The following SLFNL1 variants were observed in gnomAD, a reference collection of about 807,000 sequenced individuals.
SLFNL1 encodes the protein schlafen-like protein 1.
Under a neutral mutation model 32.5 loss-of-function variants are expected in SLFNL1, and 26 were observed. The observed-to-expected ratio is 0.80, with a 90% CI of 0.59 to 1.11. SLFNL1 has a LOEUF of 1.11. Ranked by LOEUF, SLFNL1 falls within the 50% of genes least tolerant of loss-of-function variation. The pLI, the probability that SLFNL1 is intolerant of heterozygous loss-of-function variation, is 0.00. For synonymous variants in SLFNL1, 255 were observed against 242.2 expected (o/e 1.05, Z -0.49); for missense variants, 553 against 546.5 (o/e 1.01, Z -0.12).
rs1305473502 is a variant in SLFNL1 at position 41,017,340 on chromosome 1, C to A, written c.995G>T (p.Ser332Ile). ...RLTVHTPKAQSQPQLYQTDQG... is the reference protein window; with the variant it reads ...RLTVHTPKAQIQPQLYQTDQG... ...GTCTGTCTGGTAGAGTTGCGGCTGG[C>A]TCTGGGCCTTGGGGGTGTGCACGGT... Residue 332 changes from serine to isoleucine, a missense_variant, in exon 5 of 6, where the codon AGC becomes ATC. Coordinates refer to ENST00000302946, the MANE Select transcript of SLFNL1 (RefSeq NM_144990.4). This position sits in a 1 kb window ranked among gnomAD's most constrained non-coding sequence, Gnocchi z 4.9. 2 of 1,613,744 alleles carry A rather than the reference C, an allele frequency of 1.2e-6. No individual in the cohort carries two copies. Among genetic ancestry groups the A allele is most frequent in the Admixed American group, 3.3e-5 (2 of 60,020 alleles).
rs1383897549 is a variant in SLFNL1, at chr1:41,017,667, T to C, written c.925A>G (p.Ile309Val). The change falls in exon 4 of 6, where the codon ATC (isoleucine) becomes GTC (valine). Residue 309 changes from isoleucine (I) to valine (V), a missense_variant. Physicochemically the swap from Ile to Val is conservative, Grantham distance 29. Coordinates refer to ENST00000302946, the MANE Select transcript of SLFNL1 (RefSeq NM_144990.4). The surrounding 1 kb of genome is among the most constrained non-coding windows in gnomAD (Gnocchi z 4.9). ...DAYTLTFIPV[I>V]STSETSVPLK... is the part of the protein sequence containing the mutation. ...GGGACGCTGGTCTCCGAGGTACTGA[T>C]CACAGGGATGAAGGTGAGAGTGTAG... 1.7e-5 allele frequency: 27 copies of C among 1,552,578 alleles called. No homozygotes were observed. The highest frequency in any genetic ancestry group is 2.2e-5 in the Non-Finnish European group (25 of 1,145,716).
rs1409283943 is a variant in SLFNL1, at chr1:41,020,547, A to G, written c.114T>C (p.Ser38=). The G allele has an allele frequency of 2.2e-5, 36 of 1,613,532 alleles. No homozygotes were observed. Among genetic ancestry groups the G allele is most frequent in the Non-Finnish European group, 3.1e-5 (36 of 1,180,026 alleles). The change falls in exon 3 of 6, where the codon TCT becomes TCC. Residue 38 remains serine (S), a synonymous_variant. Transcript: ENST00000302946. ...GCGCCGAGGGAGCCTCCTCGAGGTC[A>G]GAGTACTCCGTCAGGGACTGCTCTG... ...LPAEQSLTEY[S]DLEEAPSAHT...
Position 41,020,211 on chromosome 1 carries a change from A to G in SLFNL1, c.435+15T>C. On this transcript the variant is annotated intron_variant, in intron 3 of 5. Transcript: ENST00000302946. ...GGTGAGGCTTTGGAGCTTGCTTGGG[A>G]AAAGTCCCACTTACCTCTCTGTGGC... The G allele has an allele frequency of 6.4e-7, 1 of 1,563,602 alleles. No individual in the cohort carries two copies. The highest frequency in any genetic ancestry group is 8.7e-7 in the Non-Finnish European group (1 of 1,153,888).
At position 41,018,124 on chromosome 1, in the gene SLFNL1, C is replaced by G; in HGVS notation, c.468G>C (p.Leu156=). 6.6e-7 allele frequency: 1 copy of G among 1,525,562 alleles called. No individual in the cohort carries two copies. Among genetic ancestry groups the G allele is most frequent in the Non-Finnish European group, 8.9e-7 (1 of 1,129,346 alleles). 94.5% of individuals were successfully genotyped at this position (1,525,562 alleles called of 1,614,324 possible). A position where few individuals can be genotyped will look rare whatever the true frequency, so the allele number is the denominator to read the frequency against. The change falls in exon 4 of 6, where the codon CTG becomes CTC. Residue 156 remains leucine (L), a synonymous_variant. Transcript: ENST00000302946. ...EKEEEEEDSG[L]SPGPSPGSGV... The stretch of plus-strand genomic sequence containing the variant: ...CAGAGCCTGGACTGGGGCCAGGGCT[C>G]AGGCCACTGTCCTCCTCCTCCTCCT...
Position 41,015,603 on chromosome 1 carries a change from G to C in SLFNL1, c.*503C>G, listed in dbSNP as rs999870763. ...AGAAAGAACCATTCTTGTCCCAGGT[G>C]CATGTAATTTATTAATGGAGCTTTG... On this transcript the variant is annotated 3_prime_UTR_variant, in exon 6 of 6. Transcript: ENST00000302946. 3 of 152,428 alleles carry C rather than the reference G, an allele frequency of 2.0e-5. No individual in the cohort carries two copies. The highest frequency in any genetic ancestry group is 7.2e-5 in the African/African-American group (3 of 41,464). 9.4% of individuals were successfully genotyped at this position (152,428 alleles called of 1,614,324 possible).
chr1:41,017,711 G>C lies in SLFNL1; in HGVS notation c.881C>G (p.Pro294Arg). Residue 294 changes from proline (P) to arginine (R), a missense_variant, in exon 4 of 6, where the codon CCT (proline) becomes CGT (arginine). Pro to Arg is a moderately radical substitution (Grantham distance 103). Coordinates refer to ENST00000302946, the MANE Select transcript of SLFNL1 (RefSeq NM_144990.4). The surrounding 1 kb of genome is among the most constrained non-coding windows in gnomAD (Gnocchi z 4.9). ...AGTGTAGGCATCGGGAAAGATCTGAGGCTTGAAGCCCTGCAGGATGGAGTC... is the reference window on the plus strand; with the variant it reads ...AGTGTAGGCATCGGGAAAGATCTGACGCTTGAAGCCCTGCAGGATGGAGTC... Reference protein sequence around the residue: ...LVDSILQGFKPQIFPDAYTLT... With the variant: ...LVDSILQGFKRQIFPDAYTLT... 6.3e-7 allele frequency: 1 copy of C among 1,595,688 alleles called. No individual in the cohort carries two copies. The highest frequency in any genetic ancestry group is 8.6e-7 in the Non-Finnish European group (1 of 1,169,012).
At chr1:41,018,956 CAGCCTCCCG>C (rs1643605199) in intron 3 of SLFNL1, among the ~76,000 whole-genome samples, 1 of 151,192 alleles carries the variant, frequency 6.6e-6, no homozygotes, top group South Asian at 2.1e-4. Context: ...TCTCCTGCCT[CAGCCTCCCG>C]AGTAGCTGGG....
chr1:41,021,324 A>C (rs1362939782), intron 1 of SLFNL1: 4 of 152,718 alleles, frequency 2.6e-5, no homozygotes, highest in Non-Finnish European at 5.8e-5. Context: ...TGGCCTTTGC[A>C]TATAAACATA....
In SLFNL1 at chr1:41,017,538, T is replaced by C. The variant is rs879793589; in HGVS notation, c.957+97A>G. On this transcript the variant is annotated intron_variant, in intron 4 of 5. Transcript: ENST00000302946. This position sits in a 1 kb window ranked among gnomAD's most constrained non-coding sequence, Gnocchi z 4.9. The stretch of plus-strand genomic sequence containing the variant: ...TCTTCTCCTGTGGCCCCCAGTCCCG[T>C]CCCTGCCCCAGCACTGCCTGGCAGG... 45 of 1,493,294 alleles carry C rather than the reference T, an allele frequency of 3.0e-5. No individual in the cohort carries two copies. The African/African-American group carries it at 4.8e-4, about 16-fold the overall frequency. 92.5% of individuals were successfully genotyped at this position (1,493,294 alleles called of 1,614,324 possible).
chr1:41,017,939 A>AG lies in SLFNL1; in HGVS notation c.652dup (p.Leu218ProfsTer14). 6.2e-7 allele frequency: 1 copy of AG among 1,612,500 alleles called. No homozygotes were observed. The highest frequency in any genetic ancestry group is 8.5e-7 in the Non-Finnish European group (1 of 1,179,734). On this transcript the variant is annotated frameshift_variant, in exon 4 of 6. Transcript: ENST00000302946. LOFTEE classifies it high-confidence loss of function. This position sits in a 1 kb window ranked among gnomAD's most constrained non-coding sequence, Gnocchi z 4.9. ...CTCCATATTGCGGGTCTCGCTGCCC[A>AG]GGAAGGCACCCTGGAAGAGCTGGTC...
intron 3 of SLFNL1, 84 bp from the exon 4 acceptor site, chr1:41,018,240 G>C (rs1237283858): frequency 2.2e-6 from 3 of 1,350,170 alleles, no homozygotes; most frequent in Non-Finnish European, 2.9e-6. Flanking sequence ...AGAACCCCCA[G>C]TCAGGCCCCT....
chr1:41,017,970 C>T lies in SLFNL1; in HGVS notation c.622G>A (p.Gly208Ser). The T allele has an allele frequency of 1.2e-6, 2 of 1,610,990 alleles. No homozygotes were observed. The highest frequency in any genetic ancestry group is 8.5e-7 in the Non-Finnish European group (1 of 1,179,154). Residue 208 changes from glycine to serine, a missense_variant, in exon 4 of 6, where the codon GGC (glycine) becomes AGC (serine). Transcript: ENST00000302946. The surrounding 1 kb of genome is among the most constrained non-coding windows in gnomAD (Gnocchi z 4.9). ...GCACCCTGGAAGAGCTGGTCCTTGC[C>T]CACGATCTGCTGGTGCACAATGGCA... ...DSAIVHQQIVGKDQLFQGAFL... is the reference protein window; with the variant it reads ...DSAIVHQQIVSKDQLFQGAFL...
rs143152054 is a variant in SLFNL1 at position 41,017,777 on chromosome 1, C to T, written c.815G>A (p.Arg272His). 39 of 1,606,544 alleles carry T rather than the reference C, an allele frequency of 2.4e-5. No homozygotes were observed. In the African/African-American group the frequency reaches 3.1e-4, roughly 13 times the overall value. Residue 272 changes from arginine to histidine, a missense_variant, in exon 4 of 6, where the codon CGC becomes CAC. Arg to His is a conservative substitution (Grantham distance 29, BLOSUM62 0). Transcript: ENST00000302946. The surrounding 1 kb of genome is among the most constrained non-coding windows in gnomAD (Gnocchi z 4.9). ...VEDSGLVQGI[R>H]CSHRDEDRAR... ...GCGGTCCTCGTCACGGTGGCTGCAGCGGATGCCCTGCACCAGGCCGCTGTC... is the reference window on the plus strand; with the variant it reads ...GCGGTCCTCGTCACGGTGGCTGCAGTGGATGCCCTGCACCAGGCCGCTGTC...
In SLFNL1 at chr1:41,020,243, G is replaced by A. The variant is rs899551070; in HGVS notation, c.418C>T (p.Pro140Ser). ...CCACTTACCTCTCTGTGGCTGAAGG[G>A]CCCTTGGGCCTCACTCAATAGCAGG... ...KDLLLSEAQGPFSHREEKEEE... is the reference protein window; with the variant it reads ...KDLLLSEAQGSFSHREEKEEE... Residue 140 changes from proline (P) to serine (S), a missense_variant, in exon 3 of 6, where the codon CCC (proline) becomes TCC (serine). Coordinates refer to ENST00000302946, the MANE Select transcript of SLFNL1 (RefSeq NM_144990.4). 2 of 1,598,592 alleles carry A rather than the reference G, an allele frequency of 1.3e-6. No homozygotes were observed. The highest frequency in any genetic ancestry group is 2.7e-5 in the African/African-American group (2 of 74,594).
At chr1:41,019,723 A>G (rs1043088379) in intron 3 of SLFNL1, among the ~76,000 whole-genome samples, 1 of 152,138 alleles carries the variant, frequency 6.6e-6, no homozygotes, top group African/African-American at 2.4e-5. Flanking sequence ...GAGCAGGGCA[A>G]ACCTTCCTGT....
At chr1:41,020,187 G>A (rs763173075) in intron 3 of SLFNL1, 39 bp downstream of exon 3, 1 of 1,546,278 alleles carries the variant, frequency 6.5e-7, no homozygotes, top group Non-Finnish European at 8.7e-7. Flanking sequence ...CTCCCTTGGG[G>A]TGAGGCTTTG....
In SLFNL1 at chr1:41,017,609, G is replaced by A; in HGVS notation, c.957+26C>T. ...TGAGTGATGACAGATGACAGGCCCA[G>A]AGGCCCTCCTGTCCTGCAGGCTCAC... On this transcript the variant is annotated intron_variant, in intron 4 of 5. Coordinates refer to ENST00000302946, the MANE Select transcript of SLFNL1 (RefSeq NM_144990.4). This position sits in a 1 kb window ranked among gnomAD's most constrained non-coding sequence, Gnocchi z 4.9. 6.6e-7 allele frequency: 1 copy of A among 1,514,174 alleles called. No individual in the cohort carries two copies. Among genetic ancestry groups the A allele is most frequent in the Non-Finnish European group, 8.8e-7 (1 of 1,131,026 alleles). 93.8% of individuals were successfully genotyped at this position (1,514,174 alleles called of 1,614,324 possible).
In SLFNL1 at chr1:41,016,912, G is replaced by A. The variant is rs549048557; in HGVS notation, c.1101+322C>T. 3.9e-5 allele frequency: 8 copies of A among 205,168 alleles called. No homozygotes were observed. In the East Asian group the frequency reaches 8.1e-4, roughly 21 times the overall value. 12.7% of individuals were successfully genotyped at this position (205,168 alleles called of 1,614,324 possible). A position where few individuals can be genotyped will look rare whatever the true frequency, so the allele number is the denominator to read the frequency against. On this transcript the variant is annotated intron_variant, in intron 5 of 5. Coordinates refer to ENST00000302946, the MANE Select transcript of SLFNL1 (RefSeq NM_144990.4). ...TTTAGTAGAGACGAGGGTTCACCAT[G>A]TTGGCCAGGCTGGTCTCGAACTCCT...
rs41308248 is a variant in SLFNL1 at position 41,015,924 on chromosome 1, A to G, written c.*182T>C. 92,296 of 735,698 alleles carry G rather than the reference A, an allele frequency of 0.13. 6,104 individuals carry two copies. The highest frequency in any genetic ancestry group is 0.18 in the South Asian group (9,313 of 51,060). The allele number at this position is 735,698 out of a possible 1,614,324, so 45.6% of individuals were successfully genotyped here. ...CAGGGCTGAGAGCAGTTTCTTGGCT[A>G]CACAGATGGGTCTGTCAGGGTTGAA... On this transcript the variant is annotated 3_prime_UTR_variant, in exon 6 of 6. Transcript: ENST00000302946.
Sources: gnomAD v4.1 joint callset for allele counts (sites outside exome capture counted in the v4.1 genomes callset) on GRCh38, gnomAD v4.1.1 for gene constraint, Gnocchi (gnomAD v3.1) non-coding constraint, MANE v1.5 for transcripts, NCBI Gene and HGNC (gene_info 2026-07-23, HGNC 2026-07-21) for gene names.